UBE2QL1: variants seen among roughly 807,000 people sequenced by gnomAD.
UBE2QL1 encodes ubiquitin conjugating enzyme E2 QL1.
In UBE2QL1, 5 loss-of-function variants were observed where a neutral mutation model predicts 12.6. The ratio of observed to expected loss-of-function variants is 0.40; its 90% CI spans 0.21 to 0.83. The LOEUF (loss-of-function observed/expected upper bound fraction) is 0.83. Among genes scored for constraint, UBE2QL1 ranks in the 40% least tolerant of loss-of-function variants. The probability of loss-of-function intolerance (pLI) is 0.37; values close to 1 mark genes in which losing one functional copy is unlikely to be tolerated. For missense variants in UBE2QL1, 99 were observed against 222.6 expected (o/e 0.44, Z 3.53); for synonymous variants, 96 against 94.5 (o/e 1.02, Z -0.10).
At chr5:6,472,764 GA>G (rs1210062327) in intron 1 of UBE2QL1, among the ~76,000 whole-genome samples, 6 of 151,826 alleles carry the variant, frequency 4.0e-5, no homozygotes. Context: ...TTTTATTGAG[GA>G]AAAAAAGCCC....
chr5:6,453,875 C>T (rs923972480), intron 1 of UBE2QL1, among the ~76,000 whole-genome samples: 10 of 152,142 alleles, frequency 6.6e-5, no homozygotes, highest in East Asian at 1.9e-4. Flanking sequence ...GGCTTCTAAC[C>T]GGCTATAACA....
rs1739360943 is a variant in UBE2QL1 at position 6,449,157 on chromosome 5, C to T, written c.264C>T (p.Cys88=). ...ACGTGCTGGACGGCGGCGCCATCTG[C>T]ATGGAGCTGCTCACGCCGCGCGGCT... ...NGYVLDGGAI[C]MELLTPRGWS... The change falls in exon 1 of 2, where the codon TGC becomes TGT. Residue 88 remains cysteine (C), a synonymous_variant. Transcript: ENST00000399816. 1 of 1,541,616 alleles carries T rather than the reference C, an allele frequency of 6.5e-7. No individual in the cohort carries two copies. Among genetic ancestry groups the T allele is most frequent in the Middle Eastern group, 1.7e-4 (1 of 5,970 alleles).
At chr5:6,489,873 G>C (rs1172184730) in intron 1 of UBE2QL1, among the ~76,000 whole-genome samples, 1 of 152,216 alleles carries the variant, frequency 6.6e-6, no homozygotes, top group African/African-American at 2.4e-5. Context: ...GGGGAGGCCT[G>C]GTCCCCATTC....
Position 6,491,415 on chromosome 5 carries a change from T to G in UBE2QL1, c.*66T>G. ...CACACACCAGTACCCTGACATCTCC[T>G]CAATGCTGTGCATCCTCCACCCGTT... On this transcript the variant is annotated 3_prime_UTR_variant, in exon 2 of 2. Transcript: ENST00000399816. The G allele has an allele frequency of 6.8e-7, 1 of 1,472,338 alleles. No individual in the cohort carries two copies. The highest frequency in any genetic ancestry group is 9.0e-7 in the Non-Finnish European group (1 of 1,111,296). The allele number at this position is 1,472,338 out of a possible 1,614,324, so 91.2% of individuals were successfully genotyped here. A position where few individuals can be genotyped will look rare whatever the true frequency, so the allele number is the denominator to read the frequency against.
At chr5:6,449,715 C>T (rs1306015772) in intron 1 of UBE2QL1, among the ~76,000 whole-genome samples, 1 of 150,820 alleles carries the variant, frequency 6.6e-6, no homozygotes, top group East Asian at 2.0e-4. Context: ...CCCTCCCTGG[C>T]TCCCCTACTC....
rs1013938603 is a variant in UBE2QL1 at position 6,492,138 on chromosome 5, T to C, written c.*789T>C. On this transcript the variant is annotated 3_prime_UTR_variant, in exon 2 of 2. Transcript: ENST00000399816. ...GGGCTCAGAGCAACGGATGGTCAGC[T>C]GCGAACAGTCTCGTCCGATGTTAGG... 2.0e-5 allele frequency: 3 copies of C among 152,270 alleles called. No homozygotes were observed. Among genetic ancestry groups the C allele is most frequent in the Non-Finnish European group, 4.4e-5 (3 of 68,056 alleles). The allele number at this position is 152,270 out of a possible 1,614,324, so 9.4% of individuals were successfully genotyped here.
chr5:6,452,085 A>G (rs1301959510), intron 1 of UBE2QL1, among the ~76,000 whole-genome samples: 3 of 152,200 alleles, frequency 2.0e-5, no homozygotes, highest in African/African-American at 7.2e-5. Context: ...ATAGAGGAAA[A>G]CATTCACTGC....
chr5:6,472,574 CTCT>C (rs1317701525), intron 1 of UBE2QL1, among the ~76,000 whole-genome samples: 4 of 152,182 alleles, frequency 2.6e-5, no homozygotes, highest in Non-Finnish European at 4.4e-5. Flanking sequence ...CCATTCAGGT[CTCT>C]TCTTTAGACA....
intron 1 of UBE2QL1, among the ~76,000 whole-genome samples, chr5:6,455,799 G>A (rs1739508049): frequency 6.6e-6 from 1 of 151,952 alleles, no homozygotes; most frequent in Non-Finnish European, 1.5e-5. Flanking sequence ...CAGAAGTGGT[G>A]ATAATTAATC....
At chr5:6,455,144 G>A (rs542235892) in intron 1 of UBE2QL1, among the ~76,000 whole-genome samples, 17 of 152,288 alleles carry the variant, frequency 1.1e-4, no homozygotes, top group African/African-American at 4.1e-4. Flanking sequence ...AAGCGATGGG[G>A]GAGATTGGGT....
At chr5:6,486,315 CACACACACAA>C (rs1434736031) in intron 1 of UBE2QL1, among the ~76,000 whole-genome samples, 1 of 144,736 alleles carries the variant, frequency 6.9e-6, no homozygotes, top group Non-Finnish European at 1.5e-5. Flanking sequence ...CACAAGCACA[CACACACACAA>C]GCACACACAC....
chr5:6,475,814 C>T (rs1256508608), intron 1 of UBE2QL1, among the ~76,000 whole-genome samples: 1 of 152,006 alleles, frequency 6.6e-6, no homozygotes, highest in East Asian at 1.9e-4. Flanking sequence ...CTCCAGCCTG[C>T]AGCTGGAGAG....
intron 1 of UBE2QL1, among the ~76,000 whole-genome samples, chr5:6,450,599 C>T (rs1041157293): frequency 6.6e-6 from 1 of 152,196 alleles, no homozygotes; most frequent in Non-Finnish European, 1.5e-5. Context: ...TCACTTCTTC[C>T]CTGCCTGGCA....
chr5:6,466,668 C>G (rs914761547), intron 1 of UBE2QL1, among the ~76,000 whole-genome samples: 4 of 152,208 alleles, frequency 2.6e-5, no homozygotes, highest in South Asian at 2.1e-4. Context: ...ACTGCAGTGT[C>G]AGGAAAGTGG....
chr5:6,455,127 T>G (rs1284239359), intron 1 of UBE2QL1, among the ~76,000 whole-genome samples: 2 of 152,174 alleles, frequency 1.3e-5, no homozygotes, highest in Non-Finnish European at 2.9e-5. Flanking sequence ...CTTTTCTGAT[T>G]TCCCTTAAGC....
At chr5:6,465,012 G>A (rs1474121471) in intron 1 of UBE2QL1, among the ~76,000 whole-genome samples, 2 of 145,718 alleles carry the variant, frequency 1.4e-5, no homozygotes, top group Non-Finnish European at 3.0e-5. Context: ...TTTTGAGACT[G>A]AGTCTCACTC....
intron 1 of UBE2QL1, among the ~76,000 whole-genome samples, chr5:6,457,352 C>G (rs1048861060): frequency 2.0e-5 from 3 of 152,080 alleles, no homozygotes; most frequent in Non-Finnish European, 2.9e-5. Context: ...GCGATGACTT[C>G]CTCCTCTGAA....
intron 1 of UBE2QL1, among the ~76,000 whole-genome samples, chr5:6,456,243 G>C (rs1254704741): frequency 6.6e-6 from 1 of 152,116 alleles, no homozygotes; most frequent in Non-Finnish European, 1.5e-5. Flanking sequence ...TTAATATTTA[G>C]GAAATATCCA....
chr5:6,452,968 G>T (rs1353283920), intron 1 of UBE2QL1, among the ~76,000 whole-genome samples: 1 of 152,172 alleles, frequency 6.6e-6, no homozygotes. Context: ...CATCGCCAGG[G>T]GCAGGGAACC....
Sources: allele counts gnomAD v4.1 joint callset (sites outside exome capture counted in the v4.1 genomes callset), GRCh38; gene constraint gnomAD v4.1.1; transcripts MANE v1.5; gene names NCBI Gene and HGNC (gene_info 2026-07-23, HGNC 2026-07-21).